The following KLHL4 variants were observed in gnomAD, a reference collection of about 807,000 sequenced individuals.
KLHL4 encodes the protein kelch like family member 4, also known as kelch-like protein 4.
Under a neutral mutation model 45.8 loss-of-function variants are expected in KLHL4, and 17 were observed. The ratio of observed to expected loss-of-function variants is 0.37; its 90% confidence interval spans 0.25 to 0.56. The LOEUF (loss-of-function observed/expected upper bound fraction) is 0.56. KLHL4 is among the 20% of genes least tolerant of loss of function. KLHL4 has a pLI of 0.79. For missense variants in KLHL4, 544 were observed against 544.9 expected (o/e 1.00, Z 0.02); for synonymous variants, 224 against 189.9 (o/e 1.18, Z -1.47).
Position 87,632,262 on chromosome X carries a change from T to C in KLHL4, c.1377T>C (p.Ile459=). 2 of 1,208,906 alleles carry C rather than the reference T, an allele frequency of 1.7e-6. No individual in the cohort carries two copies. Among genetic ancestry groups the C allele is most frequent in the Non-Finnish European group, 2.2e-6 (2 of 892,860 alleles). The stretch of plus-strand genomic sequence containing the variant: ...TCAGGACCAACAGTTGGCTACATAT[T>C]GGCACCATGAATGGCCGTAGGCTTC... ...YDLRTNSWLH[I]GTMNGRRLQF... Residue 459 remains isoleucine, a synonymous_variant, in exon 7 of 11, where the codon ATT becomes ATC. Transcript: ENST00000373119.
intron 1 of KLHL4, among the ~76,000 whole-genome samples, chrX:87,555,587 C>T (rs1376656685): frequency 8.6e-5 from 9 of 105,252 alleles, no homozygotes; most frequent in African/African-American, 1.0e-4. Flanking sequence ...TTTTTTATTG[C>T]GTCTATTTGA....
At chrX:87,619,254 T>G (rs1003611498) in intron 4 of KLHL4, among the ~76,000 whole-genome samples, 17 of 111,906 alleles carry the variant, frequency 1.5e-4, no homozygotes, top group African/African-American at 5.2e-4. Context: ...TTTTTTAGAA[T>G]AGAGATGCAT....
intron 1 of KLHL4, among the ~76,000 whole-genome samples, chrX:87,603,659 T>G (rs1922089913): frequency 9.0e-6 from 1 of 111,359 alleles, no homozygotes; most frequent in East Asian, 2.8e-4. Context: ...ATGATATTTA[T>G]ATGCATCATT....
chrX:87,666,175 A>G (rs748790906), intron 10 of KLHL4, among the ~76,000 whole-genome samples: 1 of 111,536 alleles, frequency 9.0e-6, no homozygotes, highest in Non-Finnish European at 1.9e-5. Context: ...TCACTCAATC[A>G]TCACAAAAAC....
intron 1 of KLHL4, among the ~76,000 whole-genome samples, chrX:87,525,962 A>G (rs1931102144): frequency 9.0e-6 from 1 of 111,241 alleles, no homozygotes; most frequent in Admixed American, 9.7e-5. Context: ...CTCTTTCTTC[A>G]TCAGCAGCCA....
intron 1 of KLHL4, among the ~76,000 whole-genome samples, chrX:87,527,814 G>GAAA (rs11354717): frequency 1.4e-3 from 118 of 83,043 alleles, no homozygotes; most frequent in African/African-American, 4.7e-3. Flanking sequence ...CACAAAATTG[G>GAAA]AAAAAAAAAA....
chrX:87,610,867 A>C (rs1922347261), intron 1 of KLHL4, among the ~76,000 whole-genome samples: 1 of 111,222 alleles, frequency 9.0e-6, no homozygotes, highest in Non-Finnish European at 1.9e-5. Flanking sequence ...TGATACCAGG[A>C]GTTCGAGACC....
chrX:87,649,360 A>T (rs180825177), intron 9 of KLHL4, among the ~76,000 whole-genome samples: 23 of 111,526 alleles, frequency 2.1e-4, no homozygotes, highest in African/African-American at 6.8e-4. Context: ...TCAGAATTTC[A>T]TTTCCTTTTT....
At chrX:87,602,179 TA>T (rs1922040677) in intron 1 of KLHL4, among the ~76,000 whole-genome samples, 2 of 111,612 alleles carry the variant, frequency 1.8e-5, no homozygotes, top group South Asian at 3.7e-4. Flanking sequence ...AAAATCAACA[TA>T]AAAATTATCT....
chrX:87,532,263 T>A (rs889399571), intron 1 of KLHL4, among the ~76,000 whole-genome samples: 1 of 110,480 alleles, frequency 9.1e-6, no homozygotes, highest in African/African-American at 3.3e-5. Flanking sequence ...GCATTATTTC[T>A]GAGGGCTCTG....
At chrX:87,644,705 G>A (rs1228316267) in intron 9 of KLHL4, among the ~76,000 whole-genome samples, 2 of 111,512 alleles carry the variant, frequency 1.8e-5, no homozygotes, top group African/African-American at 3.3e-5. Context: ...GTAAAAATAG[G>A]CACATAGACC....
intron 1 of KLHL4, among the ~76,000 whole-genome samples, chrX:87,583,199 T>C (rs1206590397): frequency 4.5e-5 from 5 of 112,093 alleles, no homozygotes; most frequent in African/African-American, 1.6e-4. Flanking sequence ...ATCCCTTTGC[T>C]AGCTACAGAG....
At chrX:87,605,024 T>C (rs1042845086) in intron 1 of KLHL4, among the ~76,000 whole-genome samples, 4 of 111,496 alleles carry the variant, frequency 3.6e-5, no homozygotes, top group Non-Finnish European at 7.6e-5. Flanking sequence ...TTGAAGAAAT[T>C]TTTCCCAGTG....
chrX:87,555,120 C>T (rs1324875824), intron 1 of KLHL4, among the ~76,000 whole-genome samples: 1 of 100,497 alleles, frequency 1.0e-5, no homozygotes, highest in Admixed American at 1.2e-4. Flanking sequence ...TTCGGTTTGC[C>T]AGTATTTTAT....
intron 1 of KLHL4, among the ~76,000 whole-genome samples, chrX:87,522,536 T>C (rs1931022935): frequency 9.0e-6 from 1 of 111,556 alleles, no homozygotes; most frequent in Non-Finnish European, 1.9e-5. Flanking sequence ...GAGGTGAAAA[T>C]AGTGTGATTT....
intron 1 of KLHL4, among the ~76,000 whole-genome samples, chrX:87,540,456 A>T (rs765473050): frequency 3.6e-5 from 4 of 111,714 alleles, no homozygotes; most frequent in Non-Finnish European, 7.5e-5. Flanking sequence ...TTCTATAAGT[A>T]TTTTTCTGTT....
intron 9 of KLHL4, among the ~76,000 whole-genome samples, chrX:87,649,636 A>G (rs1304930447): frequency 1.8e-5 from 2 of 111,700 alleles, no homozygotes; most frequent in Non-Finnish European, 3.8e-5. Context: ...TTATACCTAG[A>G]ATTTTATAAC....
At chrX:87,604,225 G>A (rs894294696) in intron 1 of KLHL4, among the ~76,000 whole-genome samples, 8 of 110,674 alleles carry the variant, frequency 7.2e-5, no homozygotes, top group Non-Finnish European at 1.3e-4. Context: ...TTGACATACT[G>A]ATGTTATTTT....
At chrX:87,548,845 G>GAAAA (rs58087826) in intron 1 of KLHL4, among the ~76,000 whole-genome samples, 16,191 of 79,429 alleles carry the variant, frequency 0.2, 1,804 homozygotes, top group East Asian at 0.46. Flanking sequence ...AAGAAAGAAT[G>GAAAA]AAAAAAAAAA....
Sources: allele counts gnomAD v4.1 joint callset (sites outside exome capture counted in the v4.1 genomes callset), GRCh38; gene constraint gnomAD v4.1.1; transcripts MANE v1.5; gene names NCBI Gene and HGNC (gene_info 2026-07-23, HGNC 2026-07-21).